Variants in SLC38A9 observed in about 807,000 individuals in gnomAD.
SLC38A9 encodes the protein solute carrier family 38 member 9, also known as neutral amino acid transporter 9.
Under a neutral mutation model 62.3 loss-of-function variants are expected in SLC38A9, and 48 were observed. The observed-to-expected ratio is 0.77, with a 90% CI of 0.61 to 0.98. SLC38A9 has a LOEUF of 0.98. SLC38A9 is among the 50% of genes least tolerant of loss of function. The probability of loss-of-function intolerance (pLI) is 0.00; values close to 1 mark genes in which losing one functional copy is unlikely to be tolerated. For missense variants in SLC38A9, 541 were observed against 679.8 expected (o/e 0.80, Z 2.27); for synonymous variants, 204 against 227.7 (o/e 0.90, Z 0.94).
At chr5:55,706,063 G>C (rs1432857985) in intron 2 of SLC38A9, among the ~76,000 whole-genome samples, 1 of 152,098 alleles carries the variant, frequency 6.6e-6, no homozygotes, top group Non-Finnish European at 1.5e-5. Context: ...TTTCATGCCT[G>C]GGTATCCGGA....
chr5:55,630,351 T>C (rs767732901), intron 14 of SLC38A9, among the ~76,000 whole-genome samples: 4 of 152,120 alleles, frequency 2.6e-5, no homozygotes, highest in Non-Finnish European at 5.9e-5. Context: ...GGAGTCTCGC[T>C]CTGTCACCCA....
At chr5:55,649,386 G>A in intron 10 of SLC38A9, 72 bp from the exon 11 acceptor site, 1 of 912,954 alleles carries the variant, frequency 1.1e-6, no homozygotes, top group Non-Finnish European at 1.6e-6. Context: ...ATCAAGCATT[G>A]TTTCCATAGT....
chr5:55,635,848 C>T (rs1234742716), intron 12 of SLC38A9, among the ~76,000 whole-genome samples, 191 bp from the exon 13 acceptor site: 3 of 152,154 alleles, frequency 2.0e-5, no homozygotes, highest in Non-Finnish European at 4.4e-5. Context: ...TACAATTAGT[C>T]TGGCAATTTT....
At chr5:55,639,272 T>TTAAAAAAAAAAAAAAAAAA (rs1391586466) in intron 12 of SLC38A9, among the ~76,000 whole-genome samples, 6 of 54,648 alleles carry the variant, frequency 1.1e-4, no homozygotes, top group African/African-American at 4.1e-4. Flanking sequence ...AAACTCTGTC[T>TTAAAAAAAAAAAAAAAAAA]AAAAAAAAAA....
chr5:55,703,162 G>GA (rs1171621221), intron 2 of SLC38A9, among the ~76,000 whole-genome samples: 9 of 149,896 alleles, frequency 6.0e-5, no homozygotes. Flanking sequence ...GAAAAACATA[G>GA]AAAAAAAATT....
At chr5:55,663,311 A>G (rs1213891775) in intron 8 of SLC38A9, among the ~76,000 whole-genome samples, 1 of 151,634 alleles carries the variant, frequency 6.6e-6, no homozygotes. Context: ...AAAAAAAAAA[A>G]AAAAAAAAAA....
chr5:55,669,784 G>A lies in SLC38A9; in HGVS notation c.342C>T (p.Tyr114=), dbSNP rs139575595. The A allele has an allele frequency of 5.8e-4, 935 of 1,613,288 alleles. 1 individual carries two copies. The highest frequency in any genetic ancestry group is 7.2e-4 in the Non-Finnish European group (844 of 1,179,694). Reference sequence around the variant, plus strand: ...TGGTTACTAAACTGGTGTTTTTACCGTATCCTTCAGTGTAACTTTGAAGTT... The same window carrying A: ...TGGTTACTAAACTGGTGTTTTTACCATATCCTTCAGTGTAACTTTGAAGTT... The part of the protein sequence containing the change: ...AYKLQSYTEG[Y]GKNTSLVTIF... Residue 114 remains tyrosine (Y), a synonymous_variant, in exon 5 of 16, where the codon TAC becomes TAT. Coordinates refer to ENST00000396865, the MANE Select transcript of SLC38A9 (RefSeq NM_173514.4).
intron 12 of SLC38A9, among the ~76,000 whole-genome samples, chr5:55,637,571 T>G (rs995866517): frequency 7.9e-5 from 12 of 152,250 alleles, no homozygotes; most frequent in African/African-American, 2.9e-4. Context: ...CACAAGACTC[T>G]GGGATTCTGA....
chr5:55,654,452 A>G (rs1168084803), intron 9 of SLC38A9, among the ~76,000 whole-genome samples: 1 of 152,088 alleles, frequency 6.6e-6, no homozygotes, highest in African/African-American at 2.4e-5. Context: ...CCTGTCTCTA[A>G]AAGAATAACA....
chr5:55,669,340 A>G lies in SLC38A9; in HGVS notation c.433-19T>C, dbSNP rs1750924995. ...ATCCAGCCTGTTTAAAAATAAAAGT[A>G]TAAAACAGCATATATCATCATGTAA... On this transcript the variant is annotated intron_variant, in intron 6 of 15. Transcript: ENST00000396865. 2 of 1,563,230 alleles carry G rather than the reference A, an allele frequency of 1.3e-6. No individual in the cohort carries two copies. The highest frequency in any genetic ancestry group is 1.4e-5 in the African/African-American group (1 of 73,760).
rs758157319 is a variant in SLC38A9, at chr5:55,693,102, A to C, written c.113+4744T>G. The stretch of plus-strand genomic sequence containing the variant: ...AAAAAATAAGGATTCTGTTGACATT[A>C]AGGAATAGGTAGGGTTGCTGATTAA... On this transcript the variant is annotated intron_variant, in intron 3 of 15. Coordinates refer to ENST00000396865, the MANE Select transcript of SLC38A9 (RefSeq NM_173514.4). 1.9e-4 allele frequency: 117 copies of C among 619,544 alleles called. 3 individuals carry two copies. In the Middle Eastern group the frequency reaches 5.1e-3, roughly 27 times the overall value. The allele number at this position is 619,544 out of a possible 1,614,324, so 38.4% of individuals were successfully genotyped here.
chr5:55,669,969 CT>C (rs973707491), intron 4 of SLC38A9, 90 bp from the exon 5 acceptor site: 299 of 1,194,464 alleles, frequency 2.5e-4, no homozygotes, highest in South Asian at 5.3e-4. Flanking sequence ...CTCTAGACAC[CT>C]TTTTTTTTCT....
intron 3 of SLC38A9, among the ~76,000 whole-genome samples, chr5:55,680,205 G>A (rs1314058431): frequency 9.6e-6 from 1 of 104,232 alleles, no homozygotes; most frequent in Non-Finnish European, 2.3e-5. Flanking sequence ...AAAGGTTTCA[G>A]TGTATATATC....
chr5:55,635,290 T>C, intron 13 of SLC38A9: 1 of 516,160 alleles, frequency 1.9e-6, no homozygotes. Context: ...ACAAGGTGCC[T>C]GGCATGTAGT....
chr5:55,631,715 T>A (rs1743483089), intron 14 of SLC38A9, among the ~76,000 whole-genome samples: 1 of 152,218 alleles, frequency 6.6e-6, no homozygotes, highest in African/African-American at 2.4e-5. Flanking sequence ...ACTACATCAG[T>A]TCATTTTAAA....
chr5:55,651,922 C>T (rs1747547576), intron 10 of SLC38A9, among the ~76,000 whole-genome samples: 1 of 147,696 alleles, frequency 6.8e-6, no homozygotes, highest in Admixed American at 6.8e-5. Context: ...AAGAATTGTT[C>T]AGTAAGTTTA....
chr5:55,663,455 G>T (rs542088241), intron 8 of SLC38A9, among the ~76,000 whole-genome samples: 240 of 152,188 alleles, frequency 1.6e-3, no homozygotes, highest in Non-Finnish European at 2.4e-3. Context: ...GATGCTTGGG[G>T]CCAGGTGCGG....
chr5:55,705,056 A>C (rs113773245), intron 2 of SLC38A9, among the ~76,000 whole-genome samples: 5 of 152,354 alleles, frequency 3.3e-5, no homozygotes, highest in African/African-American at 1.2e-4. Context: ...AGGACATACA[A>C]GAAGAAACTT....
chr5:55,665,037 G>A, intron 7 of SLC38A9, 174 bp from the exon 8 acceptor site: 1 of 355,158 alleles, frequency 2.8e-6, no homozygotes, highest in Non-Finnish European at 5.0e-6. Flanking sequence ...AAAAATAAAA[G>A]AAATGTAGAT....
Sources: allele counts gnomAD v4.1 joint callset (sites outside exome capture counted in the v4.1 genomes callset), GRCh38; gene constraint gnomAD v4.1.1; transcripts MANE v1.5; gene names NCBI Gene and HGNC (gene_info 2026-07-23, HGNC 2026-07-21).